The following ERBB4 variants were observed in gnomAD, a reference collection of about 807,000 sequenced individuals.
The protein encoded by ERBB4 is receptor tyrosine-protein kinase erbB-4.
A neutral mutation model predicts 158.0 loss-of-function variants in ERBB4; 42 were observed. That is an observed-to-expected ratio of 0.27 (90% CI 0.21 to 0.34). The LOEUF (loss-of-function observed/expected upper bound fraction) is 0.34. Among genes scored for constraint, ERBB4 ranks in the 10% least tolerant of loss-of-function variants. ERBB4 has a pLI of 1.00. For missense variants in ERBB4, 1,333 were observed against 1,624.1 expected (o/e 0.82, Z 3.08); for synonymous variants, 583 against 558.7 (o/e 1.04, Z -0.61).
chr2:212,261,650 A>G (rs867297191), intron 1 of ERBB4, among the ~76,000 whole-genome samples: 5 of 152,134 alleles, frequency 3.3e-5, no homozygotes, highest in Admixed American at 6.5e-5. Flanking sequence ...CATGAGGGAT[A>G]AAAAGCTACT....
At chr2:212,288,477 G>A (rs990019209) in intron 1 of ERBB4, among the ~76,000 whole-genome samples, 2 of 152,046 alleles carry the variant, frequency 1.3e-5, no homozygotes, top group African/African-American at 2.4e-5. Flanking sequence ...AGCACTGGGA[G>A]GAATGCGCAC....
chr2:212,358,523 T>G (rs1455750039), intron 1 of ERBB4, among the ~76,000 whole-genome samples: 2 of 151,818 alleles, frequency 1.3e-5, no homozygotes, highest in African/African-American at 4.8e-5. Flanking sequence ...GATTAAATCA[T>G]CTTAAATGAC....
intron 20 of ERBB4, among the ~76,000 whole-genome samples, chr2:211,468,347 T>C (rs2125519679): frequency 6.6e-6 from 1 of 152,216 alleles, no homozygotes; most frequent in East Asian, 1.9e-4. Flanking sequence ...TAAGATCAAA[T>C]GTGTGCCTTT....
At chr2:211,992,563 GA>G (rs1352932176) in intron 2 of ERBB4, among the ~76,000 whole-genome samples, 2 of 67,198 alleles carry the variant, frequency 3.0e-5, no homozygotes, top group Non-Finnish European at 1.1e-4. Flanking sequence ...GAGAGAGAGA[GA>G]GAGAAAAAAA....
At chr2:211,737,495 C>T (rs922325718) in intron 5 of ERBB4, among the ~76,000 whole-genome samples, 9 of 152,070 alleles carry the variant, frequency 5.9e-5, no homozygotes, top group South Asian at 4.1e-4. Context: ...AGTACAAAAC[C>T]GGCACAATGG....
intron 3 of ERBB4, among the ~76,000 whole-genome samples, chr2:211,943,025 A>G (rs1279551743): frequency 1.3e-5 from 2 of 152,130 alleles, no homozygotes; most frequent in Non-Finnish European, 2.9e-5. Context: ...AGATATAAAC[A>G]AAATAGATAA....
At chr2:212,027,112 C>G (rs561247427) in intron 2 of ERBB4, among the ~76,000 whole-genome samples, 24 of 151,964 alleles carry the variant, frequency 1.6e-4, no homozygotes, top group African/African-American at 5.3e-4. Flanking sequence ...GTTACTCATC[C>G]ATAAGTGTGA....
At chr2:211,532,564 G>A (rs971575835) in intron 20 of ERBB4, among the ~76,000 whole-genome samples, 6 of 151,892 alleles carry the variant, frequency 4.0e-5, no homozygotes, top group African/African-American at 1.2e-4. Context: ...TTAAACATTC[G>A]GTCCTTAGTA....
intron 3 of ERBB4, among the ~76,000 whole-genome samples, chr2:211,898,892 T>C (rs1031543586): frequency 2.0e-5 from 3 of 152,146 alleles, no homozygotes; most frequent in Admixed American, 6.6e-5. Context: ...GCTGTATTTA[T>C]AGACCAGTAT....
chr2:212,442,259 T>C (rs1304310495), intron 1 of ERBB4, among the ~76,000 whole-genome samples: 1 of 151,896 alleles, frequency 6.6e-6, no homozygotes, highest in East Asian at 1.9e-4. Context: ...TAATTTGAAT[T>C]ACAAAAAAAG....
Position 211,428,072 on chromosome 2 carries a change from G to C in ERBB4, c.2719+336C>G, listed in dbSNP as rs116077860. 8.5e-3 allele frequency among the ~76,000 whole-genome samples: 1,287 copies of C among 152,050 alleles called. 16 individuals are homozygous for C. The highest frequency in any genetic ancestry group is 0.029 in the African/African-American group (1,203 of 41,468). On this transcript the variant is annotated intron_variant, in intron 22 of 27. Coordinates refer to ENST00000342788, the MANE Select transcript of ERBB4 (RefSeq NM_005235.3). ...GCCTGTCGGTGGATGGAGGGCAAGG[G>C]GAGGGAGAGCATTAGGACAAATACC... is the stretch of plus-strand genomic sequence containing the variant.
chr2:212,190,372 T>C (rs529344854), intron 1 of ERBB4, among the ~76,000 whole-genome samples: 3 of 152,088 alleles, frequency 2.0e-5, no homozygotes, highest in Admixed American at 6.5e-5. Flanking sequence ...CCGTCTCTAC[T>C]GAAAATACAA....
intron 1 of ERBB4, among the ~76,000 whole-genome samples, chr2:212,152,303 A>G (rs2080897804): frequency 6.6e-6 from 1 of 152,154 alleles, no homozygotes; most frequent in South Asian, 2.1e-4. Context: ...GCCTTCCAGA[A>G]TTACTGTGAT....
At chr2:211,960,880 T>A (rs1204874722) in intron 2 of ERBB4, 1 of 152,098 alleles carries the variant, frequency 6.6e-6, no homozygotes, top group Admixed American at 6.6e-5. Flanking sequence ...TTGTAAGGTG[T>A]TCCAACGAAT....
intron 1 of ERBB4, among the ~76,000 whole-genome samples, chr2:212,145,342 C>T (rs1240612883): frequency 6.7e-6 from 1 of 149,332 alleles, no homozygotes; most frequent in Non-Finnish European, 1.5e-5. Context: ...CTCCTTTTAC[C>T]TCATGATTAT....
At chr2:211,989,857 C>G (rs2082028882) in intron 2 of ERBB4, among the ~76,000 whole-genome samples, 1 of 151,912 alleles carries the variant, frequency 6.6e-6, no homozygotes, top group Non-Finnish European at 1.5e-5. Flanking sequence ...GAATGCCTTC[C>G]TCAGGAACAC....
chr2:212,000,161 T>G (rs12618175), intron 2 of ERBB4, among the ~76,000 whole-genome samples: 71,460 of 151,532 alleles, frequency 0.47, 18,055 homozygotes, highest in East Asian at 0.66. Context: ...TAAGCAGGAA[T>G]GTATCAAATA....
intron 1 of ERBB4, among the ~76,000 whole-genome samples, chr2:212,255,982 G>C (rs2084715871): frequency 6.9e-6 from 1 of 144,768 alleles, no homozygotes; most frequent in Non-Finnish European, 1.5e-5. Flanking sequence ...CACCATTCCT[G>C]GCTAAGTTTT....
chr2:211,442,848 T>A (rs2064018797), intron 20 of ERBB4, among the ~76,000 whole-genome samples: 1 of 152,072 alleles, frequency 6.6e-6, no homozygotes, highest in South Asian at 2.1e-4. Flanking sequence ...AAAGCTATAT[T>A]TTTTCGGCTT....
Sources: allele counts gnomAD v4.1 joint callset (sites outside exome capture counted in the v4.1 genomes callset), GRCh38; gene constraint gnomAD v4.1.1; transcripts MANE v1.5; gene names NCBI Gene and HGNC (gene_info 2026-07-23, HGNC 2026-07-21).